Variants in TMEM245 observed in about 807,000 individuals in gnomAD.
TMEM245 encodes transmembrane protein 245, also known as protein CG-2.
In TMEM245, 69 loss-of-function variants were observed where a neutral mutation model predicts 101.2. The ratio of observed to expected loss-of-function variants is 0.68; its 90% CI spans 0.56 to 0.83. The LOEUF (loss-of-function observed/expected upper bound fraction) is 0.83, where lower values mean the gene tolerates loss of function less well. Among genes scored for constraint, TMEM245 ranks in the 40% least tolerant of loss-of-function variants. The pLI, the probability that TMEM245 is intolerant of heterozygous loss-of-function variation, is 0.00. For synonymous variants in TMEM245, 537 were observed against 449.8 expected, an observed-to-expected ratio of 1.19 and a Z score of -2.45; for missense variants, 1,075 against 1,092.8, an observed-to-expected ratio of 0.98 and a Z score of 0.23.
At chr9:109,036,464 T>A in intron 15 of TMEM245, 84 bp from the exon 16 acceptor site, 1 of 1,275,572 alleles carries the variant, frequency 7.8e-7, no homozygotes, top group Non-Finnish European at 1.0e-6. Context: ...TAGCTCCTCC[T>A]CAACAACTTC....
intron 5 of TMEM245, among the ~76,000 whole-genome samples, chr9:109,088,103 T>C (rs779343875): frequency 3.3e-5 from 5 of 152,218 alleles, no homozygotes; most frequent in Non-Finnish European, 5.9e-5. Context: ...GTTACTCAAC[T>C]GTGAGGCTTG....
At chr9:109,099,609 C>A (rs1382888071) in intron 3 of TMEM245, among the ~76,000 whole-genome samples, 1 of 152,048 alleles carries the variant, frequency 6.6e-6, no homozygotes, top group Non-Finnish European at 1.5e-5. Context: ...GTAAAATAAG[C>A]ATAACACCAA....
Position 109,082,302 on chromosome 9 carries a change from G to A in TMEM245, c.1345-1359C>T, listed in dbSNP as rs79372365. On this transcript the variant is annotated intron_variant, in intron 7 of 17. Coordinates refer to ENST00000374586, the MANE Select transcript of TMEM245 (RefSeq NM_032012.4). ...TCAAACAGAAGAGTTAATTTTCAGT[G>A]CATGCTACCAAGGCATCAAAGACAA... 1.4e-3 allele frequency among the ~76,000 whole-genome samples: 206 copies of A among 152,092 alleles called. No individual in the cohort carries two copies. In the East Asian group the frequency reaches 0.028, roughly 21 times the overall value.
rs138461907 is a variant in TMEM245 at position 109,068,778 on chromosome 9, T to C, written c.1533-4211A>G. Among the ~76,000 whole-genome samples the C allele has an allele frequency of 4.6e-3, 695 of 152,364 alleles. 5 individuals carry two copies. The highest frequency in any genetic ancestry group is 0.016 in the African/African-American group (668 of 41,590). On this transcript the variant is annotated intron_variant, in intron 9 of 17. Coordinates refer to ENST00000374586, the MANE Select transcript of TMEM245 (RefSeq NM_032012.4). ...AAAAAGCCAATCTCAAAAGGCTGCA[T>C]GCTCCATGACTGGATTTACGTATTA... is the stretch of plus-strand genomic sequence containing the variant.
chr9:109,091,182 C>T (rs1255810619), intron 4 of TMEM245, 27 bp from the exon 5 acceptor site: 3 of 1,588,448 alleles, frequency 1.9e-6, no homozygotes, highest in African/African-American at 1.3e-5. Flanking sequence ...AAACACCACA[C>T]ACCGCATTAG....
intron 12 of TMEM245, among the ~76,000 whole-genome samples, chr9:109,056,380 G>A (rs1177628042): frequency 6.8e-6 from 1 of 147,704 alleles, no homozygotes; most frequent in African/African-American, 2.6e-5. Context: ...GATCACTTGA[G>A]GTCAGGAGTT....
intron 17 of TMEM245, among the ~76,000 whole-genome samples, chr9:109,024,532 A>G (rs139997919): frequency 2.0e-5 from 3 of 152,358 alleles, no homozygotes; most frequent in Admixed American, 6.5e-5. Context: ...ACACACATCT[A>G]TAAAACGCGT....
At position 109,117,384 on chromosome 9, in the gene TMEM245, C is replaced by T. The variant is rs370133771; in HGVS notation, c.579+1951G>A. On this transcript the variant is annotated intron_variant, in intron 1 of 17. Transcript: ENST00000374586. ...CCACCCGCCTCGACCTCCCAAAGTG[C>T]TGGGATTACAGGCGTGAGCCACCGC... Among the ~76,000 whole-genome samples the T allele has an allele frequency of 1.5e-4, 23 of 152,208 alleles. No individual in the cohort carries two copies. In the South Asian group the frequency reaches 3.5e-3, roughly 23 times the overall value.
intron 12 of TMEM245, among the ~76,000 whole-genome samples, chr9:109,056,610 G>A (rs779303496): frequency 2.6e-5 from 4 of 151,752 alleles, no homozygotes; most frequent in African/African-American, 4.8e-5. Flanking sequence ...AATGAACTCC[G>A]TCTCAAAAAA....
intron 7 of TMEM245, 80 bp downstream of exon 7, chr9:109,085,917 C>T (rs1019074625): frequency 5.4e-6 from 8 of 1,483,626 alleles, no homozygotes; most frequent in Non-Finnish European, 7.5e-6. Flanking sequence ...GACACATGGA[C>T]AGAAACATAG....
At chr9:109,096,350 G>A (rs1009692286) in intron 3 of TMEM245, among the ~76,000 whole-genome samples, 2 of 152,116 alleles carry the variant, frequency 1.3e-5, no homozygotes, top group African/African-American at 4.8e-5. Context: ...GGTGGCACAC[G>A]CCTGTAATCC....
intron 3 of TMEM245, among the ~76,000 whole-genome samples, chr9:109,096,784 T>C (rs989753881): frequency 6.6e-6 from 1 of 152,232 alleles, no homozygotes; most frequent in Non-Finnish European, 1.5e-5. Context: ...TCAAAAGTAA[T>C]TTAATTAAAT....
intron 17 of TMEM245, among the ~76,000 whole-genome samples, chr9:109,032,896 T>C (rs1470851751): frequency 6.6e-6 from 1 of 150,496 alleles, no homozygotes; most frequent in East Asian, 2.0e-4. Context: ...CCTCCTGGGT[T>C]CAAGCAATTC....
At chr9:109,092,981 A>G (rs1317541499) in intron 4 of TMEM245, among the ~76,000 whole-genome samples, 1 of 152,222 alleles carries the variant, frequency 6.6e-6, no homozygotes, top group Non-Finnish European at 1.5e-5. Flanking sequence ...ATGGAAAATA[A>G]AAGTCTTCCC....
At position 109,026,420 on chromosome 9, in the gene TMEM245, G is replaced by C. The variant is rs73527229; in HGVS notation, c.2595-5915C>G. On this transcript the variant is annotated intron_variant, in intron 17 of 17. Coordinates refer to ENST00000374586, the MANE Select transcript of TMEM245 (RefSeq NM_032012.4). The stretch of plus-strand genomic sequence containing the variant: ...TGAACTGAGATCTGAATAGTTAGGA[G>C]TTCGTTAAGAAGGAAAAATGGGGGA... Among the ~76,000 whole-genome samples, 29 of 152,064 alleles carry C rather than the reference G, an allele frequency of 1.9e-4. No homozygotes were observed. The East Asian group carries it at 5.0e-3, about 26-fold the overall frequency.
chr9:109,119,888 T>G lies in TMEM245; in HGVS notation c.26A>C (p.Asp9Ala), dbSNP rs574526692. ...GGGAGAGCTCCGCAGGCTTGGCGCG[T>G]CCTTAGGGCCGCCGCCGTCGGCCAT... MADGGGPK[D>A]APSLRSSPGP... The change falls in exon 1 of 18, where the codon GAC becomes GCC. Residue 9 changes from aspartate (D) to alanine (A), a missense_variant. This residue lies in a region of TMEM245 where 808 missense variants were observed against 741.5 expected (regional missense o/e 1.09). Coordinates refer to ENST00000374586, the MANE Select transcript of TMEM245 (RefSeq NM_032012.4). The G allele has an allele frequency of 3.3e-5, 42 of 1,273,642 alleles. No homozygotes were observed. The highest frequency in any genetic ancestry group is 2.9e-4 in the Middle Eastern group (1 of 3,472). 78.9% of individuals were successfully genotyped at this position (1,273,642 alleles called of 1,614,324 possible).
chr9:109,112,234 T>G (rs1171908576), intron 1 of TMEM245, among the ~76,000 whole-genome samples: 1 of 152,130 alleles, frequency 6.6e-6, no homozygotes, highest in Non-Finnish European at 1.5e-5. Context: ...AGATTTATAC[T>G]GTAGCAGTAT....
At chr9:109,037,084 G>T (rs1828149974) in intron 15 of TMEM245, among the ~76,000 whole-genome samples, 1 of 152,172 alleles carries the variant, frequency 6.6e-6, no homozygotes, top group African/African-American at 2.4e-5. Flanking sequence ...GACAAATAGG[G>T]AAAGGGGGGG....
chr9:109,072,098 C>T (rs1829351773), intron 9 of TMEM245, among the ~76,000 whole-genome samples: 1 of 152,102 alleles, frequency 6.6e-6, no homozygotes. Flanking sequence ...TGTGGGGTGC[C>T]TGTATAAACT....
Sources: gnomAD v4.1 joint callset for allele counts (sites outside exome capture counted in the v4.1 genomes callset) on GRCh38, gnomAD v4.1.1 for gene constraint, gnomAD v4.1.1 regional missense constraint, MANE v1.5 for transcripts, NCBI Gene and HGNC (gene_info 2026-07-23, HGNC 2026-07-21) for gene names.